Variants in PVT1 observed in about 807,000 individuals in gnomAD.
PVT1 encodes the protein Pvt1 oncogene.
chr8:128,083,100 T>G (rs75387415), intron 5 of PVT1, among the ~76,000 whole-genome samples: 12,734 of 152,260 alleles, frequency 0.084, 831 homozygotes, highest in Admixed American at 0.22. Flanking sequence ...CTTGGCTCTG[T>G]GGCGTGACTT....
At chr8:128,035,444 C>G (rs1179418976) in intron 4 of PVT1, among the ~76,000 whole-genome samples, 4 of 152,172 alleles carry the variant, frequency 2.6e-5, no homozygotes. Context: ...TTGTGGGGGG[C>G]CAAGGGATGG....
intron 3 of PVT1, among the ~76,000 whole-genome samples, chr8:127,963,743 G>A (rs534045974): frequency 1.4e-4 from 21 of 152,282 alleles, no homozygotes; most frequent in Non-Finnish European, 2.2e-4. Flanking sequence ...GTTTGGGGAG[G>A]AAGCTGATCT....
chr8:127,888,142 G>A (rs926615843), intron 2 of PVT1, among the ~76,000 whole-genome samples: 7 of 151,554 alleles, frequency 4.6e-5, no homozygotes, highest in African/African-American at 7.3e-5. Context: ...GGGTTTCACC[G>A]TGTTAGCCAG....
intron 3 of PVT1, among the ~76,000 whole-genome samples, chr8:127,891,849 A>G (rs1815606244): frequency 6.6e-6 from 1 of 152,166 alleles, no homozygotes; most frequent in Non-Finnish European, 1.5e-5. Flanking sequence ...GCAGATGAGG[A>G]AATGGAGTCT....
intron 2 of PVT1, among the ~76,000 whole-genome samples, chr8:127,845,584 C>A (rs1667525939): frequency 6.6e-6 from 1 of 152,046 alleles, no homozygotes; most frequent in African/African-American, 2.4e-5. Flanking sequence ...AGTCCTTGAC[C>A]CCAAACATAC....
At chr8:127,822,636 C>A (rs1030318054) in intron 2 of PVT1, among the ~76,000 whole-genome samples, 4 of 152,074 alleles carry the variant, frequency 2.6e-5, no homozygotes, top group Admixed American at 1.3e-4. Flanking sequence ...GTAAGTCCAT[C>A]GGGACAAATC....
chr8:128,094,508 T>C (rs977598742), intron 5 of PVT1, among the ~76,000 whole-genome samples: 13 of 152,190 alleles, frequency 8.5e-5, no homozygotes, highest in African/African-American at 3.1e-4. Context: ...GTTGAGTAGT[T>C]TCAACAGAGA....
At chr8:127,846,853 G>A (rs1308689187) in intron 2 of PVT1, among the ~76,000 whole-genome samples, 1 of 146,924 alleles carries the variant, frequency 6.8e-6, no homozygotes, top group East Asian at 2.0e-4. Flanking sequence ...TTTTTTTTTT[G>A]TATTTTTGGT....
chr8:128,044,577 A>G (rs957875556), intron 4 of PVT1, among the ~76,000 whole-genome samples: 1 of 152,234 alleles, frequency 6.6e-6, no homozygotes, highest in Non-Finnish European at 1.5e-5. Context: ...GGTAACAAAC[A>G]AAACCTCAGC....
At chr8:128,043,988 G>A (rs916574208) in intron 4 of PVT1, among the ~76,000 whole-genome samples, 6 of 146,194 alleles carry the variant, frequency 4.1e-5, no homozygotes, top group South Asian at 2.2e-4. Flanking sequence ...CATCACACCC[G>A]GTTAATTTTT....
chr8:128,027,172 G>A lies in PVT1; in HGVS notation n.912+37881G>A, dbSNP rs77175839. Among the ~76,000 whole-genome samples, 586 of 152,278 alleles carry A rather than the reference G, an allele frequency of 3.8e-3. 3 individuals carry two copies. The highest frequency in any genetic ancestry group is 0.013 in the African/African-American group (557 of 41,554). ...GAAGTTGAGGAAAAAGCCAGGCTCC[G>A]AGTCCCTTGGATCTGGGTCCCAACC... On this transcript the variant is annotated intron_variant and non_coding_transcript_variant, in intron 4 of 10. Coordinates refer to ENST00000651587, the Ensembl canonical transcript of PVT1.
chr8:127,868,063 A>C (rs910788536), intron 2 of PVT1, among the ~76,000 whole-genome samples: 1 of 152,138 alleles, frequency 6.6e-6, no homozygotes, highest in Non-Finnish European at 1.5e-5. Flanking sequence ...TATGAAATAG[A>C]TATTTATTTT....
chr8:128,016,151 G>T (rs138541788), intron 4 of PVT1, among the ~76,000 whole-genome samples: 216 of 152,248 alleles, frequency 1.4e-3, no homozygotes, highest in Non-Finnish European at 2.7e-3. Context: ...GGTGGCACAT[G>T]CCTGTGGTCT....
chr8:127,947,264 T>A (rs1405573427), intron 3 of PVT1: 1 of 185,940 alleles, frequency 5.4e-6, no homozygotes, highest in African/African-American at 2.3e-5. Context: ...ATCTGACCTT[T>A]AATGTCTGCA....
intron 2 of PVT1, among the ~76,000 whole-genome samples, chr8:127,829,059 T>G (rs1460452841): frequency 6.6e-6 from 1 of 152,158 alleles, no homozygotes; most frequent in African/African-American, 2.4e-5. Context: ...TTTGGGAAGC[T>G]GAGGTCAGGA....
chr8:127,992,531 C>A (rs1817055381), intron 4 of PVT1, among the ~76,000 whole-genome samples: 1 of 152,172 alleles, frequency 6.6e-6, no homozygotes, highest in African/African-American at 2.4e-5. Context: ...ACACCACACA[C>A]CCAGCCAGAC....
At chr8:127,967,771 AAGG>A (rs1459505558) in intron 3 of PVT1, among the ~76,000 whole-genome samples, 5 of 152,220 alleles carry the variant, frequency 3.3e-5, no homozygotes, top group African/African-American at 1.2e-4. Context: ...ACATCCAGAT[AAGG>A]AGAAGAGCTC....
rs112266950 is a variant in PVT1, at chr8:127,922,513, C to G, written n.782+31515C>G. Among the ~76,000 whole-genome samples, 9 of 152,306 alleles carry G rather than the reference C, an allele frequency of 5.9e-5. 1 individual carries two copies. The highest frequency in any genetic ancestry group is 1.9e-4 in the African/African-American group (8 of 41,578). On this transcript the variant is annotated intron_variant and non_coding_transcript_variant, in intron 3 of 10. Coordinates refer to ENST00000651587, the Ensembl canonical transcript of PVT1. Reference sequence around the variant, plus strand: ...CCATGGCTGCAGAGCTCCTGCTGTTCCTTCTGCCTAGTTCACTCTTCTTTG... The same window carrying G: ...CCATGGCTGCAGAGCTCCTGCTGTTGCTTCTGCCTAGTTCACTCTTCTTTG...
At chr8:127,991,396 G>C (rs553418523) in intron 4 of PVT1, among the ~76,000 whole-genome samples, 1 of 152,042 alleles carries the variant, frequency 6.6e-6, no homozygotes, top group South Asian at 2.1e-4. Context: ...TGCCCGCCTT[G>C]GCCTCGTAGC....
Sources: gnomAD v4.1 joint callset for allele counts (sites outside exome capture counted in the v4.1 genomes callset) on GRCh38, gnomAD v4.1.1 for gene constraint, MANE v1.5 for transcripts, NCBI Gene and HGNC (gene_info 2026-07-23, HGNC 2026-07-21) for gene names.